Variants in CPNE8 observed in about 807,000 individuals in gnomAD.
CPNE8 encodes copine-8.
A neutral mutation model predicts 81.5 loss-of-function variants in CPNE8; 45 were observed. That is an observed-to-expected ratio of 0.55 (90% CI 0.44 to 0.71). CPNE8 has a LOEUF of 0.71. Among genes scored for constraint, CPNE8 ranks in the 30% least tolerant of loss-of-function variants. The pLI is 0.00. For missense variants in CPNE8, 594 were observed against 672.1 expected, an observed-to-expected ratio of 0.88 and a Z score of 1.28; for synonymous variants, 252 against 226.3, an observed-to-expected ratio of 1.11 and a Z score of -1.02.
At chr12:38,800,474 C>A (rs1341594008) in intron 6 of CPNE8, among the ~76,000 whole-genome samples, 1 of 32,376 alleles carries the variant, frequency 3.1e-5, no homozygotes, top group Non-Finnish European at 9.9e-5. Flanking sequence ...AACTAACAAC[C>A]AGAAAGGACA....
At chr12:38,757,894 A>G (rs1941493378) in intron 10 of CPNE8, among the ~76,000 whole-genome samples, 1 of 151,946 alleles carries the variant, frequency 6.6e-6, no homozygotes. Flanking sequence ...TCAGTCTTTA[A>G]CTCCCTAGAC....
At chr12:38,878,068 TG>T (rs1944093581) in intron 1 of CPNE8, among the ~76,000 whole-genome samples, 1 of 152,156 alleles carries the variant, frequency 6.6e-6, no homozygotes, top group Admixed American at 6.5e-5. Flanking sequence ...ACAAATGCCA[TG>T]GCAACATCAG....
chr12:38,693,279 C>A (rs1200196357), intron 15 of CPNE8, among the ~76,000 whole-genome samples: 1 of 152,114 alleles, frequency 6.6e-6, no homozygotes, highest in East Asian at 1.9e-4. Context: ...TAAGCTGAGA[C>A]TCCAGGTACT....
chr12:38,677,030 C>T (rs1939305427), intron 17 of CPNE8, among the ~76,000 whole-genome samples: 1 of 152,004 alleles, frequency 6.6e-6, no homozygotes, highest in South Asian at 2.1e-4. Flanking sequence ...TTATAATGAG[C>T]AGGATGGTTT....
intron 6 of CPNE8, among the ~76,000 whole-genome samples, chr12:38,802,569 AT>A (rs1364751183): frequency 8.0e-6 from 1 of 124,598 alleles, no homozygotes; most frequent in African/African-American, 3.0e-5. Context: ...AAGATCCAAA[AT>A]TGACACCCTA....
At chr12:38,826,976 T>C (rs1329781053) in intron 6 of CPNE8, among the ~76,000 whole-genome samples, 2 of 145,380 alleles carry the variant, frequency 1.4e-5, no homozygotes, top group Non-Finnish European at 1.5e-5. Context: ...GAGACCAGCC[T>C]GACCAACATG....
intron 3 of CPNE8, among the ~76,000 whole-genome samples, chr12:38,871,952 A>G (rs1242630938): frequency 6.6e-6 from 1 of 152,170 alleles, no homozygotes; most frequent in African/African-American, 2.4e-5. Context: ...CCTGACCAAC[A>G]TGGAGAAACC....
In CPNE8 at chr12:38,685,710, T is replaced by G; in HGVS notation, c.1144-93A>C. ...TGAAAGAGATGAGAATAATACACGTTGACACTCATATTTTTTGAGGAACTC... is the reference window on the plus strand; with the variant it reads ...TGAAAGAGATGAGAATAATACACGTGGACACTCATATTTTTTGAGGAACTC... On this transcript the variant is annotated intron_variant, in intron 15 of 19. Transcript: ENST00000331366. The G allele has an allele frequency of 1.0e-5, 13 of 1,284,746 alleles. No homozygotes were observed. The East Asian group carries it at 1.2e-4, about 12-fold the overall frequency. The allele number at this position is 1,284,746 out of a possible 1,614,324, so 79.6% of individuals were successfully genotyped here.
intron 3 of CPNE8, among the ~76,000 whole-genome samples, chr12:38,861,144 A>C (rs1377538934): frequency 6.6e-6 from 1 of 152,220 alleles, no homozygotes; most frequent in Non-Finnish European, 1.5e-5. Flanking sequence ...CAGAAGGACA[A>C]ATACTGTATA....
At chr12:38,906,082 A>G, upstream of CPNE8, 1 of 986,188 alleles carries the variant, frequency 1.0e-6, no homozygotes, top group Non-Finnish European at 1.2e-6. Flanking sequence ...AGGTGGGGGC[A>G]CCTCTGCCCG....
intron 10 of CPNE8, among the ~76,000 whole-genome samples, chr12:38,733,865 A>G (rs948439133): frequency 6.6e-6 from 1 of 151,962 alleles, no homozygotes; most frequent in Non-Finnish European, 1.5e-5. Context: ...GGAAAACGGT[A>G]TTATGCATAG....
chr12:38,817,705 G>C (rs1943049638), intron 6 of CPNE8, among the ~76,000 whole-genome samples: 1 of 129,920 alleles, frequency 7.7e-6, no homozygotes. Flanking sequence ...CTCACTGCAA[G>C]CTCCGCCTCC....
chr12:38,717,579 T>C (rs915147686), intron 13 of CPNE8, among the ~76,000 whole-genome samples: 3 of 151,256 alleles, frequency 2.0e-5, no homozygotes, highest in Non-Finnish European at 3.0e-5. Flanking sequence ...ACCAAATATC[T>C]TGTTCTCACT....
chr12:38,708,217 C>A (rs1164143448), intron 13 of CPNE8, among the ~76,000 whole-genome samples: 1 of 151,866 alleles, frequency 6.6e-6, no homozygotes. Flanking sequence ...ATACTATAAC[C>A]TCAAGCTATA....
At chr12:38,725,175 G>A (rs1940664370) in intron 11 of CPNE8, among the ~76,000 whole-genome samples, 1 of 152,144 alleles carries the variant, frequency 6.6e-6, no homozygotes, top group Non-Finnish European at 1.5e-5. Flanking sequence ...ATATGATAGA[G>A]ACCTTTAACA....
At chr12:38,893,100 G>A (rs1031968477) in intron 1 of CPNE8, among the ~76,000 whole-genome samples, 2 of 152,120 alleles carry the variant, frequency 1.3e-5, no homozygotes, top group African/African-American at 2.4e-5. Flanking sequence ...AGAAAATCAA[G>A]TGTAATATGG....
intron 6 of CPNE8, among the ~76,000 whole-genome samples, chr12:38,822,515 C>T (rs1479837250): frequency 2.0e-5 from 3 of 152,092 alleles, no homozygotes; most frequent in African/African-American, 7.2e-5. Flanking sequence ...TTCTAATGTG[C>T]TCCATCACAA....
chr12:38,749,707 G>T (rs542137489), intron 10 of CPNE8, among the ~76,000 whole-genome samples: 1 of 152,264 alleles, frequency 6.6e-6, no homozygotes, highest in East Asian at 1.9e-4. Context: ...ATGATTTAGG[G>T]TATCTAGGAG....
chr12:38,739,112 T>A (rs1941028267), intron 10 of CPNE8, among the ~76,000 whole-genome samples: 1 of 152,164 alleles, frequency 6.6e-6, no homozygotes, highest in Non-Finnish European at 1.5e-5. Context: ...ACGCCCAGCC[T>A]AAAATTACTT....
Sources: gnomAD v4.1 joint callset for allele counts (sites outside exome capture counted in the v4.1 genomes callset) on GRCh38, gnomAD v4.1.1 for gene constraint, MANE v1.5 for transcripts, NCBI Gene and HGNC (gene_info 2026-07-23, HGNC 2026-07-21) for gene names.